Variants in STK3 observed in about 807,000 individuals in gnomAD.
STK3 encodes the protein serine/threonine-protein kinase 3.
A neutral mutation model predicts 58.0 loss-of-function variants in STK3; 41 were observed. The observed-to-expected ratio is 0.71, with a 90% CI of 0.55 to 0.92. The LOEUF (loss-of-function observed/expected upper bound fraction) is 0.92, where lower values mean the gene tolerates loss of function less well. STK3 is among the 40% of genes least tolerant of loss of function. STK3 has a pLI of 0.00. For synonymous variants in STK3, 170 were observed against 191.0 expected (o/e 0.89, Z 0.91); for missense variants, 479 against 602.7 (o/e 0.79, Z 2.15).
the STK3 span, among the ~76,000 whole-genome samples, chr8:98,353,917 G>A: frequency 6.6e-6 from 1 of 152,158 alleles, no homozygotes; most frequent in African/African-American, 2.4e-5. Flanking sequence ...CTGCACTCCA[G>A]CCTGGACAAC....
chr8:98,580,560 C>A lies in STK3; in HGVS notation c.823-771G>T, dbSNP rs527305083. Among the ~76,000 whole-genome samples the A allele has an allele frequency of 5.8e-4, 88 of 152,314 alleles. 2 individuals carry two copies. Among genetic ancestry groups the A allele is most frequent in the Admixed American group, 3.2e-3 (49 of 15,308 alleles). On this transcript the variant is annotated intron_variant, in intron 7 of 10. Coordinates refer to ENST00000419617, the MANE Select transcript of STK3 (RefSeq NM_006281.4). ...TCAGTTTCAGTAATTTTCATAGTTA[C>A]ATGTCAGTAGATAGCATCAGGTAAA...
At chr8:98,937,252 T>C (rs145503011) in intron 1 of STK3, among the ~76,000 whole-genome samples, 1 of 152,186 alleles carries the variant, frequency 6.6e-6, no homozygotes, top group Non-Finnish European at 1.5e-5. Context: ...AGTCAGGAAG[T>C]GAGAATCAGC....
At chr8:98,874,479 C>T (rs1054731010) in intron 3 of STK3, among the ~76,000 whole-genome samples, 6 of 152,082 alleles carry the variant, frequency 3.9e-5, no homozygotes, top group South Asian at 4.1e-4. Context: ...CAATTTGTTA[C>T]GGCAGCCACA....
the STK3 span, among the ~76,000 whole-genome samples, chr8:98,355,543 A>C: frequency 3.3e-5 from 5 of 152,186 alleles, no homozygotes; most frequent in Non-Finnish European, 7.3e-5. Context: ...TCTCTATGAG[A>C]AGTTTGGGTG....
intron 9 of STK3, among the ~76,000 whole-genome samples, chr8:98,536,083 C>G (rs1035627042): frequency 2.0e-5 from 3 of 151,992 alleles, no homozygotes; most frequent in African/African-American, 4.8e-5. Flanking sequence ...CTCTTCCAAC[C>G]CCAACAGCCT....
intron 3 of STK3, among the ~76,000 whole-genome samples, chr8:98,839,878 T>C (rs1368958143): frequency 6.6e-6 from 1 of 152,002 alleles, no homozygotes; most frequent in Non-Finnish European, 1.5e-5. Context: ...GTAAAAAAAA[T>C]AGATTTTTCT....
chr8:98,359,968 G>A, the STK3 span, among the ~76,000 whole-genome samples: 1 of 152,178 alleles, frequency 6.6e-6, no homozygotes, highest in Non-Finnish European at 1.5e-5. Flanking sequence ...CATGGGAAGG[G>A]TAAACAGTGC....
chr8:98,909,490 T>G (rs1410482931), intron 1 of STK3, among the ~76,000 whole-genome samples: 1 of 152,230 alleles, frequency 6.6e-6, no homozygotes, highest in Non-Finnish European at 1.5e-5. Flanking sequence ...CTCCGTAATC[T>G]TTAACTACCA....
the STK3 span, among the ~76,000 whole-genome samples, chr8:98,355,020 G>A: frequency 2.0e-5 from 3 of 152,064 alleles, no homozygotes; most frequent in African/African-American, 7.2e-5. Flanking sequence ...CAGGTGACCC[G>A]CCTGCTGGGA....
chr8:98,893,488 GAAAGAAAGAAAGAAAGAA>G (rs1838315550), intron 1 of STK3, among the ~76,000 whole-genome samples: 3 of 58,968 alleles, frequency 5.1e-5, no homozygotes, highest in African/African-American at 1.6e-4. Context: ...GAAAGAAAGA[GAAAGAAAGAAAGAAAGAA>G]AGAAAGAAAG....
chr8:98,385,636 C>T (rs146379699), intron 1 of STK3, among the ~76,000 whole-genome samples: 116 of 152,230 alleles, frequency 7.6e-4, no homozygotes, highest in African/African-American at 2.7e-3. Flanking sequence ...TGCCCCCGTC[C>T]GTCACTGTAG....
At chr8:98,370,255 C>A (rs1404369650), downstream of STK3, among the ~76,000 whole-genome samples, 1 of 151,482 alleles carries the variant, frequency 6.6e-6, no homozygotes, top group Non-Finnish European at 1.5e-5. Context: ...CATTCTCAGG[C>A]CAGTGGACCA....
At chr8:98,631,280 G>GT (rs1327801093) in intron 6 of STK3, among the ~76,000 whole-genome samples, 3 of 152,106 alleles carry the variant, frequency 2.0e-5, no homozygotes, top group Non-Finnish European at 4.4e-5. Flanking sequence ...ATGGTTTCCT[G>GT]TTTCACTCAG....
At chr8:98,349,812 C>T in the STK3 span, among the ~76,000 whole-genome samples, 1 of 152,172 alleles carries the variant, frequency 6.6e-6, no homozygotes, top group African/African-American at 2.4e-5. Context: ...AGCTGGGACA[C>T]AGGGCACCAA....
intron 2 of STK3, 53 bp from the exon 3 acceptor site, chr8:98,767,424 A>G (rs1192476231): frequency 4.0e-6 from 6 of 1,495,974 alleles, no homozygotes; most frequent in Non-Finnish European, 5.3e-6. Flanking sequence ...TAACTATAAG[A>G]TTAAAAGTCT....
At chr8:98,494,654 C>CAAAA (rs398008984) in intron 10 of STK3, among the ~76,000 whole-genome samples, 6 of 40,408 alleles carry the variant, frequency 1.5e-4, no homozygotes, top group African/African-American at 2.3e-4. Flanking sequence ...GACCCTGTCT[C>CAAAA]AAAAAAAAAA....
chr8:98,605,816 A>G (rs544270011), intron 6 of STK3, among the ~76,000 whole-genome samples: 177 of 152,154 alleles, frequency 1.2e-3, no homozygotes, highest in African/African-American at 4.0e-3. Flanking sequence ...GTTGTCATGA[A>G]TGGTTTATTA....
chr8:98,430,802 AT>A (rs1459670640), intron 3 of STK3: 1 of 167,124 alleles, frequency 6.0e-6, no homozygotes, highest in Non-Finnish European at 1.5e-5. Context: ...ATAAAATGTC[AT>A]AAAAAATTGT....
At chr8:98,456,228 C>T (rs189361341) in intron 10 of STK3, among the ~76,000 whole-genome samples, 147 of 152,270 alleles carry the variant, frequency 9.7e-4, no homozygotes, top group Admixed American at 3.0e-3. Context: ...TGAAGCAATC[C>T]GATCCTCTGC....
Sources: allele counts gnomAD v4.1 joint callset (sites outside exome capture counted in the v4.1 genomes callset), GRCh38; gene constraint gnomAD v4.1.1; transcripts MANE v1.5; gene names NCBI Gene and HGNC (gene_info 2026-07-23, HGNC 2026-07-21).